WDR7: variants seen among roughly 807,000 people sequenced by gnomAD.
The protein encoded by WDR7 is WD repeat domain 7.
Under a neutral mutation model 169.4 loss-of-function variants are expected in WDR7, and 46 were observed. The ratio of observed to expected loss-of-function variants is 0.27; its 90% CI spans 0.21 to 0.35. WDR7 has a LOEUF of 0.35. Ranked by LOEUF, WDR7 falls within the 10% of genes least tolerant of loss-of-function variation. WDR7 has a pLI of 1.00. For synonymous variants in WDR7, 612 were observed against 666.8 expected, an observed-to-expected ratio of 0.92 and a Z score of 1.27; for missense variants, 1,534 against 1,859.3, an observed-to-expected ratio of 0.83 and a Z score of 3.22.
At chr18:56,946,377 C>T (rs1251758972) in intron 25 of WDR7, among the ~76,000 whole-genome samples, 1 of 152,208 alleles carries the variant, frequency 6.6e-6, no homozygotes, top group Non-Finnish European at 1.5e-5. Flanking sequence ...TCTACGAAGA[C>T]TCAATCGAGA....
At chr18:56,686,764 C>T in intron 6 of WDR7, 91 bp from the exon 7 acceptor site, 2 of 1,087,590 alleles carry the variant, frequency 1.8e-6, no homozygotes, top group Non-Finnish European at 2.7e-6. Context: ...TGAAGCGATG[C>T]CTTTATTTAA....
Position 56,782,990 on chromosome 18 carries a change from A to G in WDR7, c.3190+1334A>G, listed in dbSNP as rs186650997. Among the ~76,000 whole-genome samples the G allele has an allele frequency of 3.4e-3, 511 of 152,310 alleles. 12 individuals are homozygous for G. Among genetic ancestry groups the G allele is most frequent in the Admixed American group, 0.031 (477 of 15,294 alleles). On this transcript the variant is annotated intron_variant, in intron 19 of 27. Coordinates refer to ENST00000254442, the MANE Select transcript of WDR7 (RefSeq NM_015285.3). ...AGTAAGCATAATACTTTTGTTAAAT[A>G]CTTTATAATCTATAAAAATGCAAAT...
chr18:57,036,528 T>TC, the WDR7 span: 1 of 152,318 alleles, frequency 6.6e-6, no homozygotes, highest in Non-Finnish European at 1.5e-5. Flanking sequence ...ACAGTCCAGC[T>TC]CCCCCCTGCC....
chr18:56,946,839 CTG>C (rs1181926009), intron 25 of WDR7, among the ~76,000 whole-genome samples: 1 of 152,104 alleles, frequency 6.6e-6, no homozygotes, highest in Non-Finnish European at 1.5e-5. Flanking sequence ...TTTGTATTAA[CTG>C]AAATACTTTA....
At chr18:56,936,892 T>C (rs2046967769) in intron 23 of WDR7, among the ~76,000 whole-genome samples, 1 of 152,204 alleles carries the variant, frequency 6.6e-6, no homozygotes, top group Non-Finnish European at 1.5e-5. Context: ...TGCACATATG[T>C]ATGTATTTAT....
chr18:56,978,004 C>A (rs117694817), intron 26 of WDR7, among the ~76,000 whole-genome samples: 1 of 152,122 alleles, frequency 6.6e-6, no homozygotes, highest in Non-Finnish European at 1.5e-5. Flanking sequence ...CTTGTAGACA[C>A]GTATATAAGC....
chr18:56,868,275 T>A (rs1471848407), intron 20 of WDR7, among the ~76,000 whole-genome samples: 2 of 152,096 alleles, frequency 1.3e-5, no homozygotes, highest in Admixed American at 6.6e-5. Context: ...CGATATAATT[T>A]AAAAAAATGA....
intron 20 of WDR7, among the ~76,000 whole-genome samples, chr18:56,855,708 A>G (rs1390047523): frequency 6.6e-6 from 1 of 152,120 alleles, no homozygotes; most frequent in African/African-American, 2.4e-5. Context: ...CTGCGGCTTT[A>G]TAATTAGTCT....
intron 26 of WDR7, among the ~76,000 whole-genome samples, chr18:56,973,127 CATCCTACCAA>C (rs1248917924): frequency 1.3e-5 from 2 of 152,234 alleles, no homozygotes; most frequent in Non-Finnish European, 2.9e-5. Flanking sequence ...CCGCCTACCT[CATCCTACCAA>C]AGTGCTGGGA....
At chr18:56,768,023 G>A (rs944637693) in intron 16 of WDR7, among the ~76,000 whole-genome samples, 10 of 152,026 alleles carry the variant, frequency 6.6e-5, no homozygotes, top group African/African-American at 2.4e-5. Flanking sequence ...TTAACAGTTG[G>A]TGATTCTTCT....
chr18:56,673,259 A>G (rs529551660), intron 2 of WDR7, among the ~76,000 whole-genome samples: 2 of 152,216 alleles, frequency 1.3e-5, no homozygotes, highest in Admixed American at 1.3e-4. Flanking sequence ...CCATATTTGT[A>G]ACTCCTTTCT....
intron 26 of WDR7, among the ~76,000 whole-genome samples, chr18:56,981,881 A>T (rs952486800): frequency 6.6e-6 from 1 of 152,194 alleles, no homozygotes; most frequent in Non-Finnish European, 1.5e-5. Context: ...CTGTTGTTAC[A>T]TGTGCTGTAG....
At chr18:56,939,287 TA>T (rs769516678) in intron 24 of WDR7, 23 bp from the exon 25 acceptor site, 1 of 1,498,280 alleles carries the variant, frequency 6.7e-7, no homozygotes, top group South Asian at 1.4e-5. Context: ...AAATTAATTT[TA>T]AATCTGTTCT....
intron 25 of WDR7, among the ~76,000 whole-genome samples, chr18:56,953,358 AACTG>A (rs1419670013): frequency 6.6e-6 from 1 of 152,250 alleles, no homozygotes; most frequent in African/African-American, 2.4e-5. Context: ...AAAATATTTT[AACTG>A]ACTGGTTTTT....
At chr18:56,894,234 G>A (rs1485173772) in intron 21 of WDR7, among the ~76,000 whole-genome samples, 1 of 151,948 alleles carries the variant, frequency 6.6e-6, no homozygotes, top group Non-Finnish European at 1.5e-5. Flanking sequence ...TTCCAGCATA[G>A]CAGTCGTGGT....
intron 14 of WDR7, among the ~76,000 whole-genome samples, chr18:56,748,358 C>G (rs1243150565): frequency 6.6e-6 from 1 of 152,110 alleles, no homozygotes; most frequent in Non-Finnish European, 1.5e-5. Flanking sequence ...AAATCAATCT[C>G]TTTTGTGCTG....
chr18:56,967,221 A>G (rs1419076959), intron 26 of WDR7, among the ~76,000 whole-genome samples: 3 of 152,038 alleles, frequency 2.0e-5, no homozygotes, highest in Non-Finnish European at 4.4e-5. Context: ...GCCTTAGGCC[A>G]TGTGAAGGTT....
chr18:56,841,842 A>G (rs2145328885), intron 20 of WDR7, among the ~76,000 whole-genome samples: 1 of 152,226 alleles, frequency 6.6e-6, no homozygotes, highest in Non-Finnish European at 1.5e-5. Context: ...TGAATCTTGG[A>G]TTTTTACATT....
At chr18:56,736,787 T>C (rs1457002456) in intron 14 of WDR7, among the ~76,000 whole-genome samples, 2 of 151,860 alleles carry the variant, frequency 1.3e-5, no homozygotes, top group Non-Finnish European at 2.9e-5. Context: ...TAGCTTTTGA[T>C]GGAAAAAGAG....
Sources: gnomAD v4.1 joint callset for allele counts (sites outside exome capture counted in the v4.1 genomes callset) on GRCh38, gnomAD v4.1.1 for gene constraint, MANE v1.5 for transcripts, NCBI Gene and HGNC (gene_info 2026-07-23, HGNC 2026-07-21) for gene names.